The following ZNF45 variants were observed in gnomAD, a reference collection of about 807,000 sequenced individuals.
ZNF45 encodes the protein BRC1744.
ZNF45 carries 4 observed loss-of-function variants against 12.0 expected under a neutral mutation model. The ratio of observed to expected loss-of-function variants is 0.33; its 90% confidence interval spans 0.16 to 0.76. The LOEUF (loss-of-function observed/expected upper bound fraction) is 0.76, where lower values mean the gene tolerates loss of function less well. ZNF45 is among the 30% of genes least tolerant of loss of function. The pLI is 0.60. For synonymous variants in ZNF45, 272 were observed against 279.6 expected, an observed-to-expected ratio of 0.97 and a Z score of 0.27; for missense variants, 700 against 813.0, an observed-to-expected ratio of 0.86 and a Z score of 1.69.
chr19:43,930,445 T>C (rs1401044825), intron 3 of ZNF45, among the ~76,000 whole-genome samples: 1 of 152,170 alleles, frequency 6.6e-6, no homozygotes, highest in Non-Finnish European at 1.5e-5. Context: ...ATAGAAGTAG[T>C]GTAGGGCCTG....
chr19:43,915,304 CAGG>C, intron 9 of ZNF45, 104 bp from the exon 10 acceptor site: 1 of 1,229,622 alleles, frequency 8.1e-7, no homozygotes. Flanking sequence ...TTCATTGAAC[CAGG>C]AGAAGGTTCC....
intron 3 of ZNF45, among the ~76,000 whole-genome samples, chr19:43,927,991 A>G (rs963622339): frequency 9.2e-5 from 14 of 151,968 alleles, no homozygotes; most frequent in African/African-American, 3.4e-4. Flanking sequence ...CCTAACCAAC[A>G]TGGAGAAACC....
intron 3 of ZNF45, among the ~76,000 whole-genome samples, chr19:43,929,408 T>G (rs896774298): frequency 3.3e-5 from 5 of 152,226 alleles, no homozygotes; most frequent in Non-Finnish European, 5.9e-5. Flanking sequence ...TCCCTAAGTC[T>G]GCTGAATCAC....
chr19:43,915,302 AC>A, intron 9 of ZNF45, 102 bp from the exon 10 acceptor site: 1 of 1,246,616 alleles, frequency 8.0e-7, no homozygotes, highest in Non-Finnish European at 1.0e-6. Flanking sequence ...GCTTCATTGA[AC>A]CAGGAGAAGG....
At chr19:43,924,152 A>G (rs1255219519) in intron 6 of ZNF45, 86 bp downstream of exon 6, 1 of 152,170 alleles carries the variant, frequency 6.6e-6, no homozygotes, top group African/African-American at 2.4e-5. Flanking sequence ...AATAACAACA[A>G]AAATGGTGAT....
At chr19:43,921,976 A>G (rs1476770769) in intron 7 of ZNF45, among the ~76,000 whole-genome samples, 195 bp downstream of exon 7, 1 of 152,244 alleles carries the variant, frequency 6.6e-6, no homozygotes, top group Non-Finnish European at 1.5e-5. Context: ...ATGCTTATTT[A>G]TCAAATTATA....
intron 9 of ZNF45, among the ~76,000 whole-genome samples, chr19:43,915,755 T>A (rs936585798): frequency 1.3e-5 from 2 of 152,102 alleles, no homozygotes; most frequent in Non-Finnish European, 2.9e-5. Flanking sequence ...TGATCTGAGG[T>A]AGAACAGTTT....
Position 43,919,713 on chromosome 19 carries a change from C to T in ZNF45, c.16-14G>A, listed in dbSNP as rs1776764156. 13 of 1,609,226 alleles carry T rather than the reference C, an allele frequency of 8.1e-6. No individual in the cohort carries two copies. Among genetic ancestry groups the T allele is most frequent in the Admixed American group, 1.7e-5 (1 of 59,830 alleles). On this transcript the variant is annotated splice_polypyrimidine_tract_variant and intron_variant, in intron 7 of 9. Transcript: ENST00000269973. ...TGTCACTGCCTCCTACAACATCAAA[C>T]ACACTCCACCTAAATCTTGCAATAA...
rs546032733 is a variant in ZNF45 at position 43,918,950 on chromosome 19, G to A, written c.155C>T (p.Thr52Ile). ...CTCTAACTGTGGTAGGCCATCTGGT[G>A]TGGACTGATGCCCTGTGAAAAGGCA... ...RNVVSVGHQS[T>I]PDGLPQLERE... The change falls in exon 9 of 10, where the codon ACA becomes ATA. Residue 52 changes from threonine to isoleucine, a missense_variant. By Grantham distance (89) the Thr-to-Ile change is moderately conservative. Coordinates refer to ENST00000269973, the MANE Select transcript of ZNF45 (RefSeq NM_003425.4). 1.2e-5 allele frequency: 19 copies of A among 1,614,038 alleles called. No homozygotes were observed. The South Asian group carries it at 2.0e-4, about 17-fold the overall frequency.
intron 6 of ZNF45, 67 bp from the exon 7 acceptor site, chr19:43,922,284 A>AG: frequency 8.8e-7 from 1 of 1,133,798 alleles, no homozygotes; most frequent in Non-Finnish European, 1.2e-6. Flanking sequence ...CAAAAAAAAA[A>AG]CCATAGCTGT....
chr19:43,924,257 G>A lies in ZNF45; in HGVS notation c.-52C>T, dbSNP rs553199502. 1 of 152,220 alleles carries A rather than the reference G, an allele frequency of 6.6e-6. No homozygotes were observed. The highest frequency in any genetic ancestry group is 2.4e-5 in the African/African-American group (1 of 41,454). 9.4% of individuals were successfully genotyped at this position (152,220 alleles called of 1,614,324 possible). ...ACATACCTGTGAAGAAGCTACTGTT[G>A]TATCAGTTGTGTGACCTTGGTCCAA... On this transcript the variant is annotated 5_prime_UTR_variant, in exon 6 of 10. The change creates a premature stop within an existing upstream ORF in the 5' untranslated region. Coordinates refer to ENST00000269973, the MANE Select transcript of ZNF45 (RefSeq NM_003425.4).
At chr19:43,934,346 T>A (rs1974357425) in intron 2 of ZNF45, 80 bp downstream of exon 2, 1 of 152,250 alleles carries the variant, frequency 6.6e-6, no homozygotes, top group South Asian at 2.1e-4. Flanking sequence ...CTAGTGTGAC[T>A]AATATTCATG....
Position 43,913,047 on chromosome 19 carries a change from C to T in ZNF45, c.*340G>A, listed in dbSNP as rs149664703. 107 of 200,918 alleles carry T rather than the reference C, an allele frequency of 5.3e-4. No homozygotes were observed. The highest frequency in any genetic ancestry group is 1.9e-3 in the African/African-American group (83 of 43,540). 12.4% of individuals were successfully genotyped at this position (200,918 alleles called of 1,614,324 possible). On this transcript the variant is annotated 3_prime_UTR_variant, in exon 10 of 10. Transcript: ENST00000269973. ...TTCAAATACTACTGAAAAATTACAA[C>T]GTATTAGGCACTGAAAAGGCAGAGT... is the stretch of plus-strand genomic sequence containing the variant.
intron 9 of ZNF45, among the ~76,000 whole-genome samples, chr19:43,916,888 GAA>G (rs1046601675): frequency 6.8e-6 from 1 of 147,602 alleles, no homozygotes. Context: ...AATTACTTAG[GAA>G]AAAAAAAAAT....
In ZNF45 at chr19:43,912,790, A is replaced by C. The variant is rs923253350; in HGVS notation, c.*597T>G. 3 of 152,394 alleles carry C rather than the reference A, an allele frequency of 2.0e-5. No homozygotes were observed. Among genetic ancestry groups the C allele is most frequent in the African/African-American group, 7.2e-5 (3 of 41,462 alleles). The allele number at this position is 152,394 out of a possible 1,614,324, so 9.4% of individuals were successfully genotyped here. A position where few individuals can be genotyped will look rare whatever the true frequency, so the allele number is the denominator to read the frequency against. ...CACCTCAATAAAGTACTGTTAACAT[A>C]CAAAACTTCTAGTTGCTAGCCAGAA... On this transcript the variant is annotated 3_prime_UTR_variant, in exon 10 of 10. Transcript: ENST00000269973.
Position 43,913,051 on chromosome 19 carries a change from T to C in ZNF45, c.*336A>G, listed in dbSNP as rs77802812. 0.03 allele frequency: 6,458 copies of C among 215,602 alleles called. 415 individuals carry two copies. The highest frequency in any genetic ancestry group is 0.14 in the African/African-American group (5,927 of 43,820). The allele number at this position is 215,602 out of a possible 1,614,324, so 13.4% of individuals were successfully genotyped here. A position where few individuals can be genotyped will look rare whatever the true frequency, so the allele number is the denominator to read the frequency against. ...AATACTACTGAAAAATTACAACGTA[T>C]TAGGCACTGAAAAGGCAGAGTAGAT... On this transcript the variant is annotated 3_prime_UTR_variant, in exon 10 of 10. Transcript: ENST00000269973.
At chr19:43,927,769 C>T (rs1973806367) in intron 3 of ZNF45, among the ~76,000 whole-genome samples, 1 of 151,916 alleles carries the variant, frequency 6.6e-6, no homozygotes, top group African/African-American at 2.4e-5. Context: ...TGTTAAAAAG[C>T]CATAGGTCTG....
intron 9 of ZNF45, among the ~76,000 whole-genome samples, chr19:43,916,052 C>T (rs1030786666): frequency 1.3e-4 from 20 of 152,180 alleles, no homozygotes; most frequent in East Asian, 5.8e-4. Flanking sequence ...CTCCTGACCT[C>T]GTGATCCACC....
rs1568447707 is a variant in ZNF45 at position 43,914,394 on chromosome 19, T to C, written c.1042A>G (p.Asn348Asp). ...GKSFSYSSHL[N>D]IHCRIHTGEK... Reference sequence around the variant, plus strand: ...CCTGTGTGGATTCTACAATGAATATTAAGGTGTGAGCTGTAACTAAAGCTC... The same window carrying C: ...CCTGTGTGGATTCTACAATGAATATCAAGGTGTGAGCTGTAACTAAAGCTC... The change falls in exon 10 of 10, where the codon AAT (asparagine) becomes GAT (aspartate). Residue 348 changes from asparagine (N) to aspartate (D), a missense_variant. By Grantham distance (23) the Asn-to-Asp change is conservative (BLOSUM62 1). Coordinates refer to ENST00000269973, the MANE Select transcript of ZNF45 (RefSeq NM_003425.4). 6.2e-7 allele frequency: 1 copy of C among 1,610,060 alleles called. No homozygotes were observed. The highest frequency in any genetic ancestry group is 2.2e-5 in the East Asian group (1 of 44,768).
Sources: gnomAD v4.1 joint callset for allele counts (sites outside exome capture counted in the v4.1 genomes callset) on GRCh38, gnomAD v4.1.1 for gene constraint, MANE v1.5 for transcripts, NCBI Gene and HGNC (gene_info 2026-07-23, HGNC 2026-07-21) for gene names.